KIF26B: variants seen among roughly 807,000 people sequenced by gnomAD.
KIF26B encodes kinesin family member 26B, also known as kinesin-like protein KIF26B.
KIF26B carries 63 observed loss-of-function variants against 151.2 expected under a neutral mutation model. The observed-to-expected ratio is 0.42, with a 90% confidence interval of 0.34 to 0.51. The LOEUF (loss-of-function observed/expected upper bound fraction) is 0.51. Ranked by LOEUF, KIF26B falls within the 20% of genes least tolerant of loss-of-function variation. KIF26B has a pLI of 0.07. For missense variants in KIF26B, 2,813 were observed against 2,913.6 expected, an observed-to-expected ratio of 0.97 and a Z score of 0.79; for synonymous variants, 1,357 against 1,262.1, an observed-to-expected ratio of 1.08 and a Z score of -1.59.
At chr1:245,422,963 G>A (rs1658528321) in intron 4 of KIF26B, among the ~76,000 whole-genome samples, 1 of 152,078 alleles carries the variant, frequency 6.6e-6, no homozygotes, top group Non-Finnish European at 1.5e-5. Context: ...GCTGGGCATG[G>A]TGGTGCATGT....
Position 245,608,333 on chromosome 1 carries a change from C to T in KIF26B, c.1651+589C>T, listed in dbSNP as rs139506697. Reference sequence around the variant, plus strand: ...CTGCTCCCCAGGCCTTGCCCTTACACGCTTGATATGTTTAGTGAATTGAGG... The same window carrying T: ...CTGCTCCCCAGGCCTTGCCCTTACATGCTTGATATGTTTAGTGAATTGAGG... On this transcript the variant is annotated intron_variant, in intron 7 of 14. Transcript: ENST00000407071. Among the ~76,000 whole-genome samples the T allele has an allele frequency of 7.8e-3, 1,190 of 152,316 alleles. 17 individuals are homozygous for T. Among genetic ancestry groups the T allele is most frequent in the African/African-American group, 0.027 (1,117 of 41,580 alleles).
Position 245,156,464 on chromosome 1 carries a change from C to A in KIF26B, c.246C>A (p.Thr82=). Residue 82 remains threonine (T), a synonymous_variant, in exon 2 of 15, where the codon ACC becomes ACA. Coordinates refer to ENST00000407071, the MANE Select transcript of KIF26B (RefSeq NM_018012.4). The part of the protein sequence containing the change: ...GSGTSSPSSF[T]GSPGPASPGI... ...GCACCTCGTCCCCGAGCTCGTTCAC[C>A]GGCTCCCCGGGACCCGCCTCCCCCG... 1.3e-6 allele frequency: 2 copies of A among 1,524,962 alleles called. No homozygotes were observed. The highest frequency in any genetic ancestry group is 1.8e-6 in the Non-Finnish European group (2 of 1,140,080). The allele number at this position is 1,524,962 out of a possible 1,614,324, so 94.5% of individuals were successfully genotyped here.
At chr1:245,464,601 T>G (rs1391931015) in intron 4 of KIF26B, among the ~76,000 whole-genome samples, 2 of 141,886 alleles carry the variant, frequency 1.4e-5, no homozygotes, top group African/African-American at 5.4e-5. Context: ...GGGTGTGTGC[T>G]GTGCGTGTGG....
chr1:245,200,774 T>C (rs1669284596), intron 2 of KIF26B, among the ~76,000 whole-genome samples: 1 of 152,186 alleles, frequency 6.6e-6, no homozygotes, highest in South Asian at 2.1e-4. Context: ...ACTATCTAAT[T>C]GTTGAATTTC....
chr1:245,159,381 G>A (rs551424105), intron 2 of KIF26B, among the ~76,000 whole-genome samples: 5 of 152,088 alleles, frequency 3.3e-5, no homozygotes, highest in Non-Finnish European at 7.4e-5. Flanking sequence ...CTTCACCACT[G>A]ATTTACTTTG....
At chr1:245,284,015 T>G (rs964141892) in intron 2 of KIF26B, among the ~76,000 whole-genome samples, 4 of 152,188 alleles carry the variant, frequency 2.6e-5, no homozygotes, top group African/African-American at 7.2e-5. Flanking sequence ...ACTTTTGAAG[T>G]CCCTACGCAA....
chr1:245,696,714 C>T (rs1039144092), intron 12 of KIF26B, among the ~76,000 whole-genome samples: 17 of 152,176 alleles, frequency 1.1e-4, no homozygotes, highest in Admixed American at 2.0e-4. Flanking sequence ...GCTTTATTCC[C>T]GTGGTCGATG....
At chr1:245,314,384 A>T (rs1272541981) in intron 2 of KIF26B, among the ~76,000 whole-genome samples, 2 of 152,000 alleles carry the variant, frequency 1.3e-5, no homozygotes, top group Non-Finnish European at 2.9e-5. Context: ...CCCCAGAGGG[A>T]GAGGTTGCAG....
At chr1:245,332,749 C>A (rs1672140024) in intron 2 of KIF26B, among the ~76,000 whole-genome samples, 3 of 152,162 alleles carry the variant, frequency 2.0e-5, no homozygotes, top group Non-Finnish European at 4.4e-5. Flanking sequence ...AGCACTATGA[C>A]CTGGCTTCCG....
intron 3 of KIF26B, among the ~76,000 whole-genome samples, chr1:245,416,280 C>CAAAA (rs34744401): frequency 0.028 from 1,451 of 51,218 alleles, 76 homozygotes; most frequent in African/African-American, 0.09. Flanking sequence ...AACTCTGTCT[C>CAAAA]AAAAAAAAAA....
intron 2 of KIF26B, among the ~76,000 whole-genome samples, chr1:245,337,899 G>A (rs1672267468): frequency 6.6e-6 from 1 of 152,254 alleles, no homozygotes; most frequent in East Asian, 1.9e-4. Context: ...TTTAGATAGC[G>A]TGCTTGGCCG....
At chr1:245,647,440 AAAAG>A (rs1301441070) in intron 10 of KIF26B, among the ~76,000 whole-genome samples, 3 of 150,896 alleles carry the variant, frequency 2.0e-5, no homozygotes, top group Admixed American at 6.6e-5. Context: ...AAAAAAAAAA[AAAAG>A]AAAAAAAAGA....
At chr1:245,682,169 T>G (rs1018721535) in intron 10 of KIF26B, among the ~76,000 whole-genome samples, 1 of 151,912 alleles carries the variant, frequency 6.6e-6, no homozygotes, top group African/African-American at 2.4e-5. Flanking sequence ...CCCCTGAACC[T>G]GGGAGGCGGA....
chr1:245,268,928 C>G (rs556460220), intron 2 of KIF26B, among the ~76,000 whole-genome samples: 1 of 152,004 alleles, frequency 6.6e-6, no homozygotes, highest in African/African-American at 2.4e-5. Context: ...GTGTCTGGTA[C>G]AGGTGAGCCA....
chr1:245,181,658 G>A (rs919190989), intron 2 of KIF26B, among the ~76,000 whole-genome samples: 2 of 152,092 alleles, frequency 1.3e-5, no homozygotes, highest in African/African-American at 4.8e-5. Flanking sequence ...AAAACCTAGC[G>A]ACAGGTTTCA....
rs556488632 is a variant in KIF26B at position 245,513,677 on chromosome 1, G to A, written c.1167-27090G>A. Among the ~76,000 whole-genome samples the A allele has an allele frequency of 5.9e-5, 9 of 152,232 alleles. No individual in the cohort carries two copies. In the South Asian group the frequency reaches 1.0e-3, roughly 18 times the overall value. ...TCTGGACAGCCGTCTTTCTAACAAC[G>A]GGTGCTGTTCTGAAAAGCTGGGAGC... On this transcript the variant is annotated intron_variant, in intron 4 of 14. Coordinates refer to ENST00000407071, the MANE Select transcript of KIF26B (RefSeq NM_018012.4).
intron 6 of KIF26B, among the ~76,000 whole-genome samples, chr1:245,604,336 C>A (rs2043427284): frequency 6.6e-6 from 1 of 152,200 alleles, no homozygotes; most frequent in Admixed American, 6.5e-5. Context: ...GCGATGTTCT[C>A]ACGGGCTCCT....
intron 2 of KIF26B, among the ~76,000 whole-genome samples, chr1:245,211,831 T>C (rs931372535): frequency 1.9e-4 from 29 of 152,240 alleles, no homozygotes; most frequent in African/African-American, 7.0e-4. Flanking sequence ...GGAGCACTTG[T>C]TTCCTTCTCA....
At position 245,646,133 on chromosome 1, in the gene KIF26B, G is replaced by A. The variant is rs757742040; in HGVS notation, c.2111G>A (p.Arg704His). The A allele has an allele frequency of 2.7e-5, 44 of 1,613,670 alleles. No homozygotes were observed. Among genetic ancestry groups the A allele is most frequent in the South Asian group, 4.4e-5 (4 of 91,048 alleles). ...KSGKGGMSGG[R>H]SRLHLIDLGS... is the part of the protein sequence containing the mutation. ...TCCCCTGTGGTAGTGTCTGGAGGTC[G>A]CAGCCGCCTGCATCTCATTGATCTC... The change falls in exon 10 of 15, where the codon CGC becomes CAC. Residue 704 changes from arginine to histidine, a missense_variant. Arg to His is a conservative substitution (Grantham distance 29). Transcript: ENST00000407071.
Sources: gnomAD v4.1 joint callset for allele counts (sites outside exome capture counted in the v4.1 genomes callset) on GRCh38, gnomAD v4.1.1 for gene constraint, MANE v1.5 for transcripts, NCBI Gene and HGNC (gene_info 2026-07-23, HGNC 2026-07-21) for gene names.